Variants in MAP4K1 observed in about 807,000 individuals in gnomAD.
MAP4K1 encodes MAPK/ERK kinase kinase kinase 1.
A neutral mutation model predicts 122.8 loss-of-function variants in MAP4K1; 35 were observed. The ratio of observed to expected loss-of-function variants is 0.29; its 90% confidence interval spans 0.22 to 0.38. The LOEUF (loss-of-function observed/expected upper bound fraction) is 0.38. Ranked by LOEUF, MAP4K1 falls within the 10% of genes least tolerant of loss-of-function variation. The pLI is 1.00. For synonymous variants in MAP4K1, 412 were observed against 421.3 expected, an observed-to-expected ratio of 0.98 and a Z score of 0.27; for missense variants, 791 against 1,072.6, an observed-to-expected ratio of 0.74 and a Z score of 3.67.
intron 20 of MAP4K1, among the ~76,000 whole-genome samples, chr19:38,600,761 A>G (rs1298793592): frequency 1.3e-5 from 2 of 149,208 alleles, no homozygotes; most frequent in African/African-American, 4.9e-5. Context: ...CTGAATTCCA[A>G]TATTCCTACT....
At position 38,597,496 on chromosome 19, in the gene MAP4K1, G is replaced by A. The variant is rs1367670811; in HGVS notation, c.1768C>T (p.Leu590=). ...NPIAHISPHR[L]LARKNMVSTK... is the part of the protein sequence containing the mutation. ...ATTGGGAGCTGGTACCTTGCCAGTA[G>A]GCGGTGGGGGCTAATGTGAGCGATG... is the stretch of plus-strand genomic sequence containing the variant. Residue 590 remains leucine, a synonymous_variant, in exon 23 of 31, where the codon CTA becomes TTA. Transcript: ENST00000396857. The surrounding 1 kb of genome is among the most constrained non-coding windows in gnomAD (Gnocchi z 4.6). 6 of 1,614,100 alleles carry A rather than the reference G, an allele frequency of 3.7e-6. No individual in the cohort carries two copies. The Admixed American group carries it at 1.0e-4, about 27-fold the overall frequency.
intron 29 of MAP4K1, among the ~76,000 whole-genome samples, chr19:38,594,418 T>G (rs1366873743): frequency 6.6e-6 from 1 of 152,104 alleles, no homozygotes; most frequent in Non-Finnish European, 1.5e-5. Context: ...GGCGGGCAGA[T>G]CACTTGAGGT....
chr19:38,596,235 TA>T (rs1164815493), intron 26 of MAP4K1, 76 bp downstream of exon 26: 4 of 1,466,740 alleles, frequency 2.7e-6, no homozygotes, highest in Non-Finnish European at 3.6e-6. Flanking sequence ...TGCCTCAGGC[TA>T]AGCGAAGCCC....
chr19:38,605,618 CG>C lies in MAP4K1; in HGVS notation c.1312del (p.Arg438ValfsTer42). On this transcript the variant is annotated frameshift_variant, in exon 18 of 31. Coordinates refer to ENST00000396857, the MANE Select transcript of MAP4K1 (RefSeq NM_001042600.3). LOFTEE classifies it high-confidence loss of function. ...CASGPPPNSP[R>X]PGPPPSTSSP... Reference sequence around the variant, plus strand: ...GCTGGTGGATGGGGGAGGCCCAGGACGGGGGCTGTTTGGTGGGGGCCCACTG... The same window carrying C: ...GCTGGTGGATGGGGGAGGCCCAGGACGGGGCTGTTTGGTGGGGGCCCACTG... 6.4e-7 allele frequency: 1 copy of C among 1,574,670 alleles called. No homozygotes were observed. The highest frequency in any genetic ancestry group is 8.6e-7 in the Non-Finnish European group (1 of 1,161,936).
chr19:38,614,006 C>T (rs746109011), intron 7 of MAP4K1, 37 bp downstream of exon 7: 27 of 1,613,490 alleles, frequency 1.7e-5, no homozygotes, highest in Non-Finnish European at 2.3e-5. Flanking sequence ...TCCGGCCCCC[C>T]AGTCAGCCCC....
At chr19:38,608,244 A>G in intron 13 of MAP4K1, 74 bp from the exon 14 acceptor site, 1 of 640,672 alleles carries the variant, frequency 1.6e-6, no homozygotes, top group Non-Finnish European at 2.6e-6. Flanking sequence ...AAGAACAGAA[A>G]GAGTAGAATT....
chr19:38,609,555 A>G (rs372618943), intron 13 of MAP4K1, 41 bp downstream of exon 13: 7 of 1,577,618 alleles, frequency 4.4e-6, no homozygotes, highest in Non-Finnish European at 5.2e-6. Context: ...TAGGTCTATT[A>G]TAGGGTCAGG....
At position 38,597,305 on chromosome 19, in the gene MAP4K1, A is replaced by C; in HGVS notation, c.1837+21T>G. 3 of 1,613,436 alleles carry C rather than the reference A, an allele frequency of 1.9e-6. No individual in the cohort carries two copies. Among genetic ancestry groups the C allele is most frequent in the Non-Finnish European group, 2.5e-6 (3 of 1,179,910 alleles). ...GCCTGGCCCCGCCCACTCTCTGCAC[A>C]CCCGTGAAGCTCTCTCTCACCCACA... On this transcript the variant is annotated intron_variant, in intron 24 of 30. Coordinates refer to ENST00000396857, the MANE Select transcript of MAP4K1 (RefSeq NM_001042600.3). The surrounding 1 kb of genome is among the most constrained non-coding windows in gnomAD (Gnocchi z 4.6).
chr19:38,617,349 A>T lies in MAP4K1; in HGVS notation c.248+5T>A. The stretch of plus-strand genomic sequence containing the variant: ...GGGTGCCAGGGTGGGTCTGAGGTTC[A>T]TCACCAGAGATAACTCCCATGGTAG... On this transcript the variant is annotated splice_donor_5th_base_variant and intron_variant, in intron 3 of 30. Transcript: ENST00000396857. The surrounding 1 kb of genome is among the most constrained non-coding windows in gnomAD (Gnocchi z 4.1). The T allele has an allele frequency of 6.2e-7, 1 of 1,611,130 alleles. No homozygotes were observed. The highest frequency in any genetic ancestry group is 8.5e-7 in the Non-Finnish European group (1 of 1,177,900).
intron 25 of MAP4K1, 103 bp downstream of exon 25, chr19:38,596,931 C>G: frequency 8.9e-7 from 1 of 1,121,804 alleles, no homozygotes; most frequent in Non-Finnish European, 1.3e-6. Context: ...GGCGGGGCCT[C>G]GACGGAGGTG....
rs570266346 is a variant in MAP4K1, at chr19:38,602,360, C to G, written c.1447-835G>C. 5.3e-5 allele frequency among the ~76,000 whole-genome samples: 8 copies of G among 151,682 alleles called. No individual in the cohort carries two copies. In the East Asian group the frequency reaches 1.5e-3, roughly 29 times the overall value. ...AAAGTGCTGGGATTACAGGCATGAG[C>G]CACTGTGCCTGGCCAGCATATATAT... On this transcript the variant is annotated intron_variant, in intron 19 of 30. Coordinates refer to ENST00000396857, the MANE Select transcript of MAP4K1 (RefSeq NM_001042600.3).
chr19:38,600,233 C>T, intron 20 of MAP4K1, 80 bp from the exon 21 acceptor site: 1 of 1,100,986 alleles, frequency 9.1e-7, no homozygotes, highest in Non-Finnish European at 1.4e-6. Flanking sequence ...ACCTCAAACA[C>T]TGACACTCTG....
At chr19:38,599,021 A>G (rs971789275) in intron 22 of MAP4K1, among the ~76,000 whole-genome samples, 10 of 145,548 alleles carry the variant, frequency 6.9e-5, no homozygotes, top group African/African-American at 2.6e-4. Context: ...TCAAAAAAAA[A>G]AAAAAAAAAA....
chr19:38,613,331 G>GA (rs74176452), intron 8 of MAP4K1, among the ~76,000 whole-genome samples: 11,273 of 104,564 alleles, frequency 0.11, 515 homozygotes, highest in South Asian at 0.19. Flanking sequence ...GAACGAAAAA[G>GA]AAAAAAAAAA....
At chr19:38,616,014 G>A (rs1416617456) in intron 4 of MAP4K1, among the ~76,000 whole-genome samples, 181 bp downstream of exon 4, 5 of 150,526 alleles carry the variant, frequency 3.3e-5, no homozygotes, top group Non-Finnish European at 5.9e-5. Context: ...GCTCAAGCCC[G>A]TAGTTTCAGC....
intron 8 of MAP4K1, 98 bp from the exon 9 acceptor site, chr19:38,612,840 CAG>C (rs1975538780): frequency 1.0e-5 from 13 of 1,299,206 alleles, no homozygotes; most frequent in African/African-American, 5.8e-5. Flanking sequence ...ACGCAGCACA[CAG>C]AGAGTCAGAT....
intron 30 of MAP4K1, among the ~76,000 whole-genome samples, chr19:38,591,367 A>T (rs954168783): frequency 1.3e-5 from 2 of 151,414 alleles, no homozygotes; most frequent in African/African-American, 4.9e-5. Flanking sequence ...CACATCTACT[A>T]AAAAAACAAA....
chr19:38,608,799 C>CA (rs1031744033), intron 13 of MAP4K1, among the ~76,000 whole-genome samples: 957 of 9,544 alleles, frequency 0.1, 126 homozygotes, highest in Non-Finnish European at 0.14. Flanking sequence ...AACTCCGTCT[C>CA]AAAAAAAAAA....
intron 19 of MAP4K1, among the ~76,000 whole-genome samples, chr19:38,603,317 CAT>C (rs1460042922): frequency 6.6e-6 from 1 of 150,782 alleles, no homozygotes; most frequent in African/African-American, 2.4e-5. Flanking sequence ...CATATATACA[CAT>C]GTACATATAT....
Sources: gnomAD v4.1 joint callset for allele counts (sites outside exome capture counted in the v4.1 genomes callset) on GRCh38, gnomAD v4.1.1 for gene constraint, Gnocchi (gnomAD v3.1) non-coding constraint, MANE v1.5 for transcripts, NCBI Gene and HGNC (gene_info 2026-07-23, HGNC 2026-07-21) for gene names.